The following SLC16A7 variants were observed in gnomAD, a reference collection of about 807,000 sequenced individuals.
SLC16A7 encodes the protein monocarboxylate transporter 2.
In SLC16A7, 33 loss-of-function variants were observed where a neutral mutation model predicts 34.9. The ratio of observed to expected loss-of-function variants is 0.94; its 90% CI spans 0.72 to 1.26. The LOEUF is 1.26. Among genes scored for constraint, SLC16A7 ranks in the 50% most tolerant of loss-of-function variants. The pLI is 0.00. For missense variants in SLC16A7, 573 were observed against 578.1 expected, an observed-to-expected ratio of 0.99 and a Z score of 0.09; for synonymous variants, 201 against 206.6, an observed-to-expected ratio of 0.97 and a Z score of 0.23.
chr12:59,735,680 T>A (rs1315460139), intron 3 of SLC16A7, among the ~76,000 whole-genome samples: 1 of 152,184 alleles, frequency 6.6e-6, no homozygotes, highest in Admixed American at 6.5e-5. Flanking sequence ...TGTGGGGTAT[T>A]TTTAAATGAA....
intron 3 of SLC16A7, among the ~76,000 whole-genome samples, chr12:59,742,938 C>A (rs1338168498): frequency 1.3e-5 from 2 of 152,146 alleles, no homozygotes; most frequent in African/African-American, 4.8e-5. Context: ...AAAGGATCTT[C>A]CCACCCACAA....
intron 2 of SLC16A7, among the ~76,000 whole-genome samples, chr12:59,669,382 T>TAG (rs1377665809): frequency 4.6e-5 from 7 of 152,150 alleles, no homozygotes; most frequent in Non-Finnish European, 8.8e-5. Flanking sequence ...GGGGTATATA[T>TAG]AGATTTCTTT....
intron 1 of SLC16A7, among the ~76,000 whole-genome samples, chr12:59,616,871 G>A (rs140181297): frequency 9.2e-5 from 14 of 152,076 alleles, no homozygotes; most frequent in African/African-American, 2.9e-4. Flanking sequence ...GCAGTTAATA[G>A]CATATTTTTT....
chr12:59,728,051 A>T (rs1876495133), intron 3 of SLC16A7, among the ~76,000 whole-genome samples: 1 of 152,196 alleles, frequency 6.6e-6, no homozygotes, highest in South Asian at 2.1e-4. Context: ...GTTCCAATAG[A>T]TAATAACAAC....
intron 1 of SLC16A7, among the ~76,000 whole-genome samples, chr12:59,610,416 A>G (rs550564459): frequency 6.6e-6 from 1 of 152,328 alleles, no homozygotes; most frequent in Admixed American, 6.5e-5. Flanking sequence ...AAGAAATCAA[A>G]TAGACACAGA....
At chr12:59,648,649 G>A (rs1868291904) in intron 1 of SLC16A7, among the ~76,000 whole-genome samples, 1 of 152,134 alleles carries the variant, frequency 6.6e-6, no homozygotes, top group African/African-American at 2.4e-5. Flanking sequence ...CATAGTTTAG[G>A]AGAAGATGTA....
At chr12:59,753,324 A>G (rs948220970) in intron 3 of SLC16A7, among the ~76,000 whole-genome samples, 25 of 152,342 alleles carry the variant, frequency 1.6e-4, no homozygotes, top group Admixed American at 1.2e-3. Flanking sequence ...TTGGATAAAG[A>G]GTCAAGACCC....
intron 5 of SLC16A7, among the ~76,000 whole-genome samples, chr12:59,778,378 G>A (rs1346840133): frequency 2.0e-5 from 3 of 151,968 alleles, no homozygotes; most frequent in Non-Finnish European, 4.4e-5. Context: ...ATTACAAGTA[G>A]CCAAATTTAA....
At chr12:59,618,934 A>G (rs1879578664) in intron 1 of SLC16A7, among the ~76,000 whole-genome samples, 1 of 152,062 alleles carries the variant, frequency 6.6e-6, no homozygotes, top group Admixed American at 6.6e-5. Context: ...TAATGCTGAT[A>G]TAATTTTGTG....
At chr12:59,664,492 T>C (rs1031851250) in intron 2 of SLC16A7, among the ~76,000 whole-genome samples, 21 of 152,168 alleles carry the variant, frequency 1.4e-4, no homozygotes, top group Admixed American at 4.6e-4. Flanking sequence ...GTTCATAACT[T>C]ACAAATTACC....
chr12:59,647,512 A>G (rs762136591), intron 1 of SLC16A7, among the ~76,000 whole-genome samples: 1 of 152,128 alleles, frequency 6.6e-6, no homozygotes, highest in Non-Finnish European at 1.5e-5. Context: ...TCCTTTATAA[A>G]TTATCCTGTC....
intron 1 of SLC16A7, among the ~76,000 whole-genome samples, chr12:59,652,041 G>A (rs1027651408): frequency 1.9e-4 from 29 of 151,858 alleles, no homozygotes; most frequent in African/African-American, 6.3e-4. Context: ...TGAGTTAAAG[G>A]GAGAAACTCT....
At chr12:59,678,493 C>T (rs377194980) in intron 2 of SLC16A7, among the ~76,000 whole-genome samples, 28 of 152,228 alleles carry the variant, frequency 1.8e-4, no homozygotes, top group East Asian at 5.8e-4. Context: ...CTGGTAGTTC[C>T]GATGTCTGCT....
intron 2 of SLC16A7, among the ~76,000 whole-genome samples, chr12:59,664,175 T>C (rs998430857): frequency 1.3e-5 from 2 of 152,128 alleles, no homozygotes; most frequent in African/African-American, 4.8e-5. Flanking sequence ...ATGTCTATCA[T>C]GTATCATTTA....
intron 3 of SLC16A7, among the ~76,000 whole-genome samples, chr12:59,742,921 GT>G (rs1349402930): frequency 6.6e-6 from 1 of 152,152 alleles, no homozygotes; most frequent in Non-Finnish European, 1.5e-5. Flanking sequence ...ATTATTGGAA[GT>G]TTAAGAAAGG....
intron 1 of SLC16A7, among the ~76,000 whole-genome samples, chr12:59,630,580 T>C (rs1012577544): frequency 3.9e-5 from 6 of 151,938 alleles, no homozygotes; most frequent in African/African-American, 1.4e-4. Context: ...TTCCAACTAA[T>C]GGCTATGAAC....
chr12:59,732,376 C>T (rs1182366374), intron 3 of SLC16A7, among the ~76,000 whole-genome samples: 1 of 152,100 alleles, frequency 6.6e-6, no homozygotes, highest in Admixed American at 6.5e-5. Flanking sequence ...GCCGAGATCG[C>T]GCCACTGCAC....
At chr12:59,701,869 G>A (rs1360088984) in intron 2 of SLC16A7, among the ~76,000 whole-genome samples, 1 of 151,660 alleles carries the variant, frequency 6.6e-6, no homozygotes, top group Non-Finnish European at 1.5e-5. Context: ...TTGTATTTCT[G>A]AATGTTTACT....
chr12:59,769,808 A>G (rs906421489), intron 3 of SLC16A7, among the ~76,000 whole-genome samples: 1 of 152,136 alleles, frequency 6.6e-6, no homozygotes, highest in African/African-American at 2.4e-5. Context: ...ATACCATAGT[A>G]TTAGCTGAAA....
Sources: allele counts gnomAD v4.1 joint callset (sites outside exome capture counted in the v4.1 genomes callset), GRCh38; gene constraint gnomAD v4.1.1; transcripts MANE v1.5; gene names NCBI Gene and HGNC (gene_info 2026-07-23, HGNC 2026-07-21).